The following ZNF492 variants were observed in gnomAD, a reference collection of about 807,000 sequenced individuals.
ZNF492 encodes the protein zinc finger protein 115 (Y20).
ZNF492 carries 3 observed loss-of-function variants against 6.4 expected under a neutral mutation model. The ratio of observed to expected loss-of-function variants is 0.47; its 90% CI spans 0.21 to 1.22. The LOEUF (loss-of-function observed/expected upper bound fraction) is 1.22, where lower values mean the gene tolerates loss of function less well. Ranked by LOEUF, ZNF492 falls within the 50% of genes most tolerant of loss-of-function variation. The probability of loss-of-function intolerance (pLI) is 0.22; values close to 1 mark genes in which losing one functional copy is unlikely to be tolerated. For synonymous variants in ZNF492, 112 were observed against 205.3 expected (o/e 0.55, Z 3.89); for missense variants, 356 against 612.5 (o/e 0.58, Z 4.42).
intron 3 of ZNF492, among the ~76,000 whole-genome samples, chr19:22,655,355 T>C (rs1432988275): frequency 3.5e-5 from 5 of 144,174 alleles, no homozygotes; most frequent in African/African-American, 1.4e-4. Context: ...ATTTTTGTCT[T>C]CTCCAATTTT....
chr19:22,650,699 C>T (rs1274480274), intron 1 of ZNF492, among the ~76,000 whole-genome samples: 1 of 152,144 alleles, frequency 6.6e-6, no homozygotes, highest in Admixed American at 6.5e-5. Context: ...GCTGTAGCTG[C>T]AGTCTGGCAC....
rs574625522 is a variant in ZNF492, at chr19:22,667,476, C to T, written c.*2211C>T. The T allele has an allele frequency of 6.6e-6, 1 of 151,944 alleles. No homozygotes were observed. The highest frequency in any genetic ancestry group is 2.4e-5 in the African/African-American group (1 of 41,476). The allele number at this position is 151,944 out of a possible 1,614,324, so 9.4% of individuals were successfully genotyped here. A position where few individuals can be genotyped will look rare whatever the true frequency, so the allele number is the denominator to read the frequency against. On this transcript the variant is annotated 3_prime_UTR_variant, in exon 4 of 4. Transcript: ENST00000456783. ...TAAGAGGCATACAATATGTAATAAT[C>T]ACATTAGGGTAAATGAGGTATCCAT...
At chr19:22,657,147 G>C (rs1468374407) in intron 3 of ZNF492, among the ~76,000 whole-genome samples, 1 of 150,796 alleles carries the variant, frequency 6.6e-6, no homozygotes, top group Non-Finnish European at 1.5e-5. Flanking sequence ...AAATTTACAT[G>C]TTATGTCTGA....
At chr19:22,661,324 T>G (rs1324287379) in intron 3 of ZNF492, among the ~76,000 whole-genome samples, 1 of 152,164 alleles carries the variant, frequency 6.6e-6, no homozygotes, top group Non-Finnish European at 1.5e-5. Context: ...GTGTTTAAAA[T>G]GTGTACATCT....
intron 3 of ZNF492, among the ~76,000 whole-genome samples, chr19:22,655,325 C>G (rs1446800506): frequency 2.0e-5 from 3 of 151,352 alleles, no homozygotes; most frequent in Non-Finnish European, 1.5e-5. Context: ...AATCAATAGA[C>G]ATGAAATGTT....
chr19:22,634,719 T>C (rs1275992348), intron 1 of ZNF492, among the ~76,000 whole-genome samples: 1 of 152,098 alleles, frequency 6.6e-6, no homozygotes, highest in African/African-American at 2.4e-5. Flanking sequence ...GAGCCCTCTC[T>C]GGGCAGCTCT....
At chr19:22,658,708 A>G (rs1024407778) in intron 3 of ZNF492, among the ~76,000 whole-genome samples, 2 of 141,866 alleles carry the variant, frequency 1.4e-5, no homozygotes, top group Non-Finnish European at 3.0e-5. Context: ...TTGTATTTCA[A>G]ATTATATCTG....
chr19:22,655,810 CTTGTTGTTTTTTT>C (rs1401724885), intron 3 of ZNF492, among the ~76,000 whole-genome samples: 81 of 59,356 alleles, frequency 1.4e-3, no homozygotes, highest in African/African-American at 5.5e-3. Context: ...TCAAGTTTTT[CTTGTTGTTTTTTT>C]TTTTTTTTTT....
At chr19:22,652,675 G>T (rs1163342228) in intron 1 of ZNF492, among the ~76,000 whole-genome samples, 2 of 151,676 alleles carry the variant, frequency 1.3e-5, no homozygotes, top group South Asian at 2.1e-4. Context: ...CGCCTCTGGG[G>T]TTCATGCCAT....
chr19:22,645,767 T>A (rs1020017619), intron 1 of ZNF492, among the ~76,000 whole-genome samples: 11 of 152,240 alleles, frequency 7.2e-5, no homozygotes, highest in Non-Finnish European at 1.0e-4. Context: ...GGACCATTTA[T>A]TGAATAGAAA....
intron 1 of ZNF492, among the ~76,000 whole-genome samples, chr19:22,641,191 G>C (rs1971822135): frequency 6.6e-6 from 1 of 152,066 alleles, no homozygotes. Context: ...TATGATGTCA[G>C]GTTGTTAAAC....
chr19:22,637,280 A>G (rs1971778647), intron 1 of ZNF492, among the ~76,000 whole-genome samples: 1 of 151,782 alleles, frequency 6.6e-6, no homozygotes, highest in African/African-American at 2.4e-5. Flanking sequence ...CCCGGCCTAA[A>G]CCTTTTATTT....
At chr19:22,657,016 A>G (rs566254338) in intron 3 of ZNF492, among the ~76,000 whole-genome samples, 1 of 152,250 alleles carries the variant, frequency 6.6e-6, no homozygotes, top group Non-Finnish European at 1.5e-5. Context: ...AAAATAAGCA[A>G]ATAAGGCACC....
At chr19:22,640,968 A>T (rs1279012336) in intron 1 of ZNF492, among the ~76,000 whole-genome samples, 1 of 151,644 alleles carries the variant, frequency 6.6e-6, no homozygotes, top group Non-Finnish European at 1.5e-5. Flanking sequence ...CTCTTTTGTC[A>T]TATTTAATTG....
At chr19:22,654,757 A>G (rs1971977155) in intron 3 of ZNF492, among the ~76,000 whole-genome samples, 1 of 150,796 alleles carries the variant, frequency 6.6e-6, no homozygotes. Context: ...GCGAGCCACC[A>G]TGCCTGACTA....
intron 3 of ZNF492, among the ~76,000 whole-genome samples, chr19:22,663,534 C>T (rs62118829): frequency 0.19 from 29,432 of 152,004 alleles, 3,702 homozygotes; most frequent in African/African-American, 0.36. Context: ...AAGATCTGCA[C>T]TGGGTAAATG....
Position 22,666,606 on chromosome 19 carries a change from A to G in ZNF492, c.*1341A>G, listed in dbSNP as rs1035606602. 6.6e-6 allele frequency: 1 copy of G among 152,184 alleles called. No homozygotes were observed. Among genetic ancestry groups the G allele is most frequent in the Non-Finnish European group, 1.5e-5 (1 of 68,042 alleles). The allele number at this position is 152,184 out of a possible 1,614,324, so 9.4% of individuals were successfully genotyped here. A position where few individuals can be genotyped will look rare whatever the true frequency, so the allele number is the denominator to read the frequency against. ...ACCTCTTCTATGAAAGAGTAAGGACATTAAAATGCATGATGAAAATCTAAG... is the reference window on the plus strand; with the variant it reads ...ACCTCTTCTATGAAAGAGTAAGGACGTTAAAATGCATGATGAAAATCTAAG... On this transcript the variant is annotated 3_prime_UTR_variant, in exon 4 of 4. Coordinates refer to ENST00000456783, the MANE Select transcript of ZNF492 (RefSeq NM_020855.3).
chr19:22,638,988 C>T (rs577005008), intron 1 of ZNF492, among the ~76,000 whole-genome samples: 10 of 151,892 alleles, frequency 6.6e-5, no homozygotes, highest in Non-Finnish European at 1.5e-4. Context: ...ATTACAGATG[C>T]CTGCCACCAC....
At chr19:22,653,128 TCA>T (rs1240708007) in intron 1 of ZNF492, among the ~76,000 whole-genome samples, 177 bp from the exon 2 acceptor site, 6 of 151,668 alleles carry the variant, frequency 4.0e-5, no homozygotes, top group Non-Finnish European at 7.4e-5. Context: ...CTCTCTTTTC[TCA>T]GAGTTAGAGA....
Sources: allele counts gnomAD v4.1 joint callset (sites outside exome capture counted in the v4.1 genomes callset), GRCh38; gene constraint gnomAD v4.1.1; transcripts MANE v1.5; gene names NCBI Gene and HGNC (gene_info 2026-07-23, HGNC 2026-07-21).